The following DPP6 variants were observed in gnomAD, a reference collection of about 807,000 sequenced individuals.
The protein encoded by DPP6 is dipeptidyl peptidase like 6, also known as A-type potassium channel modulatory protein DPP6.
Under a neutral mutation model 122.6 loss-of-function variants are expected in DPP6, and 69 were observed. That is an observed-to-expected ratio of 0.56 (90% CI 0.46 to 0.69). The LOEUF (loss-of-function observed/expected upper bound fraction) is 0.69. Ranked by LOEUF, DPP6 falls within the 30% of genes least tolerant of loss-of-function variation. The pLI, the probability that DPP6 is intolerant of heterozygous loss-of-function variation, is 0.00. For missense variants in DPP6, 928 were observed against 1,116.9 expected (o/e 0.83, Z 2.41); for synonymous variants, 418 against 433.1 (o/e 0.97, Z 0.43).
intron 1 of DPP6, among the ~76,000 whole-genome samples, chr7:154,320,971 C>A (rs1427549984): frequency 1.3e-5 from 2 of 151,988 alleles, no homozygotes; most frequent in Non-Finnish European, 2.9e-5. Flanking sequence ...ACAAAGGATC[C>A]AATGGAAAAA....
intron 7 of DPP6, among the ~76,000 whole-genome samples, chr7:154,722,577 A>G (rs1841873341): frequency 6.6e-6 from 1 of 152,232 alleles, no homozygotes; most frequent in Non-Finnish European, 1.5e-5. Flanking sequence ...ATCGTGTTTC[A>G]GTAAAGACAA....
At chr7:154,198,560 C>T (rs189748750) in intron 1 of DPP6, among the ~76,000 whole-genome samples, 4 of 152,024 alleles carry the variant, frequency 2.6e-5, no homozygotes, top group Admixed American at 6.6e-5. Context: ...ATGATCTGCC[C>T]GCCTCGGCCA....
At chr7:154,205,589 T>C (rs1474722224) in intron 1 of DPP6, among the ~76,000 whole-genome samples, 1 of 152,082 alleles carries the variant, frequency 6.6e-6, no homozygotes, top group Non-Finnish European at 1.5e-5. Context: ...TTCCCTTCTT[T>C]GAGTGATGAG....
chr7:153,752,690 A>G, the DPP6 span, among the ~76,000 whole-genome samples: 1 of 120,360 alleles, frequency 8.3e-6, no homozygotes. Flanking sequence ...AGATCACACA[A>G]ATAGAGCTGG....
chr7:154,554,849 T>G (rs1375494817), intron 4 of DPP6, among the ~76,000 whole-genome samples: 1 of 152,174 alleles, frequency 6.6e-6, no homozygotes, highest in Non-Finnish European at 1.5e-5. Flanking sequence ...AGCATTTAAA[T>G]ATCAGGAAAT....
chr7:154,394,248 A>T (rs1263174570), intron 1 of DPP6, among the ~76,000 whole-genome samples: 1 of 151,826 alleles, frequency 6.6e-6, no homozygotes, highest in Non-Finnish European at 1.5e-5. Flanking sequence ...TCACTAACTT[A>T]TTTTCTGTTT....
At chr7:154,005,179 T>A (rs891454866) in intron 1 of DPP6, among the ~76,000 whole-genome samples, 1 of 152,242 alleles carries the variant, frequency 6.6e-6, no homozygotes, top group African/African-American at 2.4e-5. Context: ...GGCCTATTTT[T>A]CAGATTTCAT....
chr7:153,881,285 C>A, the DPP6 span, among the ~76,000 whole-genome samples: 3 of 152,312 alleles, frequency 2.0e-5, no homozygotes, highest in Non-Finnish European at 4.4e-5. Flanking sequence ...ATGTGCAATT[C>A]TAGCTATAAG....
intron 1 of DPP6, among the ~76,000 whole-genome samples, chr7:154,332,073 CT>C (rs5888570): frequency 0.19 from 26,557 of 141,694 alleles, 2,582 homozygotes; most frequent in African/African-American, 0.34. Context: ...GCTTTTTAAA[CT>C]TTTTTTTTTT....
chr7:154,319,228 T>G (rs1305069741), intron 1 of DPP6, among the ~76,000 whole-genome samples: 1 of 128,608 alleles, frequency 7.8e-6, no homozygotes, highest in African/African-American at 2.7e-5. Flanking sequence ...ATTTTACTGT[T>G]AGGATTGAAA....
chr7:154,692,690 T>A (rs1474966215), intron 7 of DPP6, among the ~76,000 whole-genome samples: 9 of 152,164 alleles, frequency 5.9e-5, no homozygotes, highest in African/African-American at 1.7e-4. Context: ...ACTCACCTCA[T>A]TAATTCAAGG....
chr7:154,750,818 C>A (rs1277371455), intron 8 of DPP6, among the ~76,000 whole-genome samples: 2 of 152,156 alleles, frequency 1.3e-5, no homozygotes, highest in Non-Finnish European at 2.9e-5. Context: ...GGAATCGAGG[C>A]AGTGGGCCGA....
intron 1 of DPP6, among the ~76,000 whole-genome samples, chr7:154,166,378 G>A (rs1797248807): frequency 6.6e-6 from 1 of 152,172 alleles, no homozygotes; most frequent in African/African-American, 2.4e-5. Context: ...GAGGATGAGA[G>A]AGTGGATAAG....
intron 1 of DPP6, among the ~76,000 whole-genome samples, chr7:154,255,072 T>C (rs1299604383): frequency 6.6e-6 from 1 of 151,904 alleles, no homozygotes; most frequent in Non-Finnish European, 1.5e-5. Context: ...ATGTAGACAA[T>C]TCTGGATGAT....
the DPP6 span, among the ~76,000 whole-genome samples, chr7:153,852,312 A>G: frequency 2.0e-5 from 3 of 152,078 alleles, no homozygotes; most frequent in Non-Finnish European, 2.9e-5. Flanking sequence ...CCCGAGTTCT[A>G]TAGGATGTGT....
At chr7:153,916,819 A>C (rs1012339276) in intron 1 of DPP6, among the ~76,000 whole-genome samples, 1 of 152,200 alleles carries the variant, frequency 6.6e-6, no homozygotes, top group Admixed American at 6.5e-5. Flanking sequence ...TTTATTTTAT[A>C]AATTTTATTA....
chr7:154,544,078 G>T (rs1443811106), intron 4 of DPP6, among the ~76,000 whole-genome samples: 1 of 146,758 alleles, frequency 6.8e-6, no homozygotes, highest in East Asian at 2.0e-4. Flanking sequence ...CAATTTGGGG[G>T]GCATTCTTTT....
At chr7:153,903,737 T>TGTGCTGGAA (rs1189182919) in intron 1 of DPP6, among the ~76,000 whole-genome samples, 1 of 152,238 alleles carries the variant, frequency 6.6e-6, no homozygotes, top group East Asian at 1.9e-4. Context: ...TTTTCTCTTC[T>TGTGCTGGAA]GTGCTGGAAG....
chr7:154,488,396 C>T (rs1377723658), intron 3 of DPP6, among the ~76,000 whole-genome samples: 3 of 151,630 alleles, frequency 2.0e-5, no homozygotes, highest in Non-Finnish European at 1.5e-5. Context: ...AGGCAGTGAG[C>T]CAAGATTGCG....
Sources: allele counts gnomAD v4.1 joint callset (sites outside exome capture counted in the v4.1 genomes callset), GRCh38; gene constraint gnomAD v4.1.1; transcripts MANE v1.5; gene names NCBI Gene and HGNC (gene_info 2026-07-23, HGNC 2026-07-21).